The following GATAD2B variants were observed in gnomAD, a reference collection of about 807,000 sequenced individuals.
The protein encoded by GATAD2B is transcriptional repressor p66-beta.
A neutral mutation model predicts 64.3 loss-of-function variants in GATAD2B; 8 were observed. That is an observed-to-expected ratio of 0.12 (90% CI 0.07 to 0.22). GATAD2B has a LOEUF of 0.22. Ranked by LOEUF, GATAD2B falls within the 10% of genes least tolerant of loss-of-function variation. The pLI is 1.00. For missense variants in GATAD2B, 453 were observed against 752.0 expected (o/e 0.60, Z 4.65); for synonymous variants, 281 against 271.3 (o/e 1.04, Z -0.35).
intron 1 of GATAD2B, among the ~76,000 whole-genome samples, chr1:153,918,082 G>T (rs754138270): frequency 6.6e-6 from 1 of 152,162 alleles, no homozygotes; most frequent in Non-Finnish European, 1.5e-5. Context: ...TGACTGATCA[G>T]CATTCAAGGA....
chr1:153,887,913 CCT>C (rs757815538), intron 1 of GATAD2B, among the ~76,000 whole-genome samples: 4 of 151,890 alleles, frequency 2.6e-5, no homozygotes, highest in Admixed American at 6.6e-5. Context: ...ATGGTGAAAC[CCT>C]GTCTCTACTA....
chr1:153,862,863 T>TACA (rs1676358012), intron 1 of GATAD2B, among the ~76,000 whole-genome samples: 1 of 151,910 alleles, frequency 6.6e-6, no homozygotes, highest in Non-Finnish European at 1.5e-5. Context: ...TAGCTGGGAT[T>TACA]ACAGGCATGC....
chr1:153,838,657 T>C (rs1256172607), intron 1 of GATAD2B, among the ~76,000 whole-genome samples: 1 of 152,132 alleles, frequency 6.6e-6, no homozygotes, highest in Non-Finnish European at 1.5e-5. Flanking sequence ...CGAGCCACCA[T>C]GTGCATATTT....
intron 1 of GATAD2B, among the ~76,000 whole-genome samples, chr1:153,903,895 A>C (rs1347755692): frequency 1.3e-5 from 2 of 152,180 alleles, no homozygotes; most frequent in Non-Finnish European, 2.9e-5. Context: ...AAAGTGGTAC[A>C]ATCACCTGAG....
chr1:153,823,411 T>TCACAGGTATCGTAAC (rs1674752687), intron 2 of GATAD2B, among the ~76,000 whole-genome samples: 1 of 152,246 alleles, frequency 6.6e-6, no homozygotes, highest in Admixed American at 6.5e-5. Flanking sequence ...ATACCTTATT[T>TCACAGGTATCGTAAC]CACAGGTATC....
intron 7 of GATAD2B, among the ~76,000 whole-genome samples, chr1:153,814,602 A>C (rs1281784272): frequency 6.6e-6 from 1 of 151,888 alleles, no homozygotes; most frequent in Non-Finnish European, 1.5e-5. Context: ...GCAAAACCCT[A>C]TCTCTACTAA....
In GATAD2B at chr1:153,816,383, G is replaced by A. The variant is rs747157093; in HGVS notation, c.1106C>T (p.Pro369Leu). The A allele has an allele frequency of 6.2e-7, 1 of 1,613,768 alleles. No individual in the cohort carries two copies. Among genetic ancestry groups the A allele is most frequent in the Non-Finnish European group, 8.5e-7 (1 of 1,179,624 alleles). The part of the protein sequence containing the change: ...QLEKTLLEIP[P>L]PKPPAPLLHF... ...AAGTAAGGGAGCAGGAGGTTTAGGGGGTGGGATCTCCAGGAGTGTCTTTTC... is the reference window on the plus strand; with the variant it reads ...AAGTAAGGGAGCAGGAGGTTTAGGGAGTGGGATCTCCAGGAGTGTCTTTTC... The change falls in exon 7 of 11, where the codon CCC becomes CTC. Residue 369 changes from proline (P) to leucine (L), a missense_variant. By Grantham distance (98) the Pro-to-Leu change is moderately conservative. Around this residue, in one of 2 missense-constraint regions of GATAD2B, gnomAD observed 160 missense variants for 334.7 expected, o/e 0.48. Transcript: ENST00000368655. This position sits in a 1 kb window ranked among gnomAD's most constrained non-coding sequence, Gnocchi z 4.9.
chr1:153,870,793 C>T (rs1157173618), intron 1 of GATAD2B, among the ~76,000 whole-genome samples: 1 of 152,042 alleles, frequency 6.6e-6, no homozygotes, highest in African/African-American at 2.4e-5. Context: ...ATCCCAAAAT[C>T]CAAAAAAATC....
chr1:153,907,434 A>G (rs1022646916), intron 1 of GATAD2B, among the ~76,000 whole-genome samples: 1 of 152,224 alleles, frequency 6.6e-6, no homozygotes, highest in African/African-American at 2.4e-5. Context: ...ATTTATATGA[A>G]GTACCTGAAG....
At chr1:153,901,779 G>A (rs1207432511) in intron 1 of GATAD2B, among the ~76,000 whole-genome samples, 6 of 150,122 alleles carry the variant, frequency 4.0e-5, no homozygotes, top group East Asian at 2.0e-4. Flanking sequence ...AGCCACGATC[G>A]TGCCACTGCA....
At chr1:153,888,095 A>C (rs561847835) in intron 1 of GATAD2B, among the ~76,000 whole-genome samples, 1 of 152,160 alleles carries the variant, frequency 6.6e-6, no homozygotes, top group South Asian at 2.1e-4. Context: ...TCAAAAAAAA[A>C]AAAAAAATTA....
At chr1:153,904,619 G>A (rs2101963223) in intron 1 of GATAD2B, among the ~76,000 whole-genome samples, 1 of 152,112 alleles carries the variant, frequency 6.6e-6, no homozygotes, top group Middle Eastern at 3.4e-3. Context: ...TCATCTCACT[G>A]CAACCTCCAC....
intron 1 of GATAD2B, among the ~76,000 whole-genome samples, chr1:153,857,157 T>TAA (rs1553193649): frequency 7.9e-5 from 6 of 76,254 alleles, no homozygotes; most frequent in South Asian, 4.4e-4. Context: ...TATATATATA[T>TAA]AAATTGGCCG....
rs879002222 is a variant in GATAD2B, at chr1:153,852,388, C to T, written c.-1-24040G>A. 3.7e-6 allele frequency: 3 copies of T among 813,952 alleles called. No individual in the cohort carries two copies. In the South Asian group the frequency reaches 4.0e-5, roughly 11 times the overall value. The allele number at this position is 813,952 out of a possible 1,614,324, so 50.4% of individuals were successfully genotyped here. On this transcript the variant is annotated intron_variant, in intron 1 of 10. Coordinates refer to ENST00000368655, the MANE Select transcript of GATAD2B (RefSeq NM_020699.4). ...CATCACCCTCATATGCTTGGCCTGACCTTGGATGTTCTGTGGTCATCATGG... is the reference window on the plus strand; with the variant it reads ...CATCACCCTCATATGCTTGGCCTGATCTTGGATGTTCTGTGGTCATCATGG...
intron 8 of GATAD2B, 104 bp from the exon 9 acceptor site, chr1:153,812,236 C>A: frequency 1.5e-6 from 1 of 668,484 alleles, no homozygotes; most frequent in South Asian, 1.9e-5. Context: ...GACTTTGTTG[C>A]CCAGGCTGGT....
intron 1 of GATAD2B, among the ~76,000 whole-genome samples, chr1:153,879,255 A>C (rs1676935390): frequency 6.7e-6 from 1 of 150,222 alleles, no homozygotes; most frequent in Admixed American, 6.6e-5. Flanking sequence ...TTTTATTTTT[A>C]GTAGAGATAG....
At chr1:153,853,740 CTTATGT>C (rs1291148961) in intron 1 of GATAD2B, among the ~76,000 whole-genome samples, 2 of 152,106 alleles carry the variant, frequency 1.3e-5, no homozygotes, top group Non-Finnish European at 2.9e-5. Context: ...AGTTTCAGGT[CTTATGT>C]TTAACTCTTT....
rs1674437849 is a variant in GATAD2B, at chr1:153,815,296, A to C, written c.1216+977T>G. Among the ~76,000 whole-genome samples the C allele has an allele frequency of 3.4e-5, 5 of 148,372 alleles. No homozygotes were observed. The South Asian group carries it at 1.1e-3, about 31-fold the overall frequency. On this transcript the variant is annotated intron_variant, in intron 7 of 10. Coordinates refer to ENST00000368655, the MANE Select transcript of GATAD2B (RefSeq NM_020699.4). ...TCAAAAAAACAAAAAAAAAAAACAA[A>C]AAAAAAAAAAAGAAAAGAGAAGTTC... is the stretch of plus-strand genomic sequence containing the variant.
At chr1:153,869,589 C>G (rs1676594698) in intron 1 of GATAD2B, among the ~76,000 whole-genome samples, 1 of 152,062 alleles carries the variant, frequency 6.6e-6, no homozygotes, top group Admixed American at 6.6e-5. Flanking sequence ...ACACGATGTT[C>G]CAGGTTCATC....
Sources: allele counts gnomAD v4.1 joint callset (sites outside exome capture counted in the v4.1 genomes callset), GRCh38; gene constraint gnomAD v4.1.1; regional missense constraint gnomAD v4.1.1; non-coding constraint Gnocchi (gnomAD v3.1); transcripts MANE v1.5; gene names NCBI Gene and HGNC (gene_info 2026-07-23, HGNC 2026-07-21).